CACNG5: variants seen among roughly 807,000 people sequenced by gnomAD.
CACNG5 encodes calcium voltage-gated channel auxiliary subunit gamma 5, also known as voltage-dependent calcium channel gamma-5 subunit.
In CACNG5, 18 loss-of-function variants were observed where a neutral mutation model predicts 24.8. That is an observed-to-expected ratio of 0.73 (90% confidence interval 0.50 to 1.08). The LOEUF (loss-of-function observed/expected upper bound fraction) is 1.08. Ranked by LOEUF, CACNG5 falls within the 50% of genes least tolerant of loss-of-function variation. The probability of loss-of-function intolerance (pLI) is 0.00; values close to 1 mark genes in which losing one functional copy is unlikely to be tolerated. For synonymous variants in CACNG5, 157 were observed against 149.1 expected (o/e 1.05, Z -0.39); for missense variants, 349 against 367.9 (o/e 0.95, Z 0.42).
At chr17:66,842,091 C>G (rs1976577613) in intron 1 of CACNG5, among the ~76,000 whole-genome samples, 1 of 152,260 alleles carries the variant, frequency 6.6e-6, no homozygotes, top group Admixed American at 6.5e-5. Flanking sequence ...TCTCCGGCCC[C>G]ACTGCCCACC....
intron 1 of CACNG5, among the ~76,000 whole-genome samples, chr17:66,849,187 G>A (rs996673034): frequency 1.3e-5 from 2 of 152,144 alleles, no homozygotes; most frequent in South Asian, 2.1e-4. Context: ...CATCATTCCC[G>A]GTGATCAATT....
Position 66,855,532 on chromosome 17 carries a change from A to AT in CACNG5, c.-104+20291dup, listed in dbSNP as rs199748780. Reference sequence around the variant, plus strand: ...TTAAATTAAAAAGTTGTGCATATGTATTTTTTTTTGAGACAGAGTCTCACC... The same window carrying AT: ...TTAAATTAAAAAGTTGTGCATATGTATTTTTTTTTTGAGACAGAGTCTCACC... On this transcript the variant is annotated intron_variant, in intron 1 of 5. Transcript: ENST00000533854. Among the ~76,000 whole-genome samples, 775 of 151,594 alleles carry AT rather than the reference A, an allele frequency of 5.1e-3. 8 individuals carry two copies. Among genetic ancestry groups the AT allele is most frequent in the African/African-American group, 0.018 (725 of 41,382 alleles).
chr17:66,860,843 A>G (rs1166715126), intron 1 of CACNG5, among the ~76,000 whole-genome samples: 2 of 150,180 alleles, frequency 1.3e-5, no homozygotes, highest in Admixed American at 6.6e-5. Context: ...AACATTATAT[A>G]AGACTTTCTT....
chr17:66,881,778 G>A (rs886180768), intron 4 of CACNG5, among the ~76,000 whole-genome samples: 1 of 151,566 alleles, frequency 6.6e-6, no homozygotes, highest in Admixed American at 6.6e-5. Context: ...ACTAAAGGAT[G>A]AGTAAGAATT....
chr17:66,856,399 G>A (rs1976776228), intron 1 of CACNG5, among the ~76,000 whole-genome samples: 1 of 152,160 alleles, frequency 6.6e-6, no homozygotes, highest in Admixed American at 6.5e-5. Context: ...ACTCAATGTA[G>A]TTTTTTACCC....
Position 66,887,356 on chromosome 17 carries a change from G to T in CACNG5, c.*2116G>T, listed in dbSNP as rs947868633. Among the ~76,000 whole-genome samples the T allele has an allele frequency of 1.3e-3, 174 of 129,868 alleles. No homozygotes were observed. The highest frequency in any genetic ancestry group is 4.8e-3 in the African/African-American group (164 of 33,832). The allele number at this position is 129,868 out of a possible 152,430, so 85.2% of individuals were successfully genotyped here. On this transcript the variant is annotated 3_prime_UTR_variant, in exon 6 of 6. Transcript: ENST00000533854. The stretch of plus-strand genomic sequence containing the variant: ...AGCCTCCTGTGGGAGGCTCTCTGTT[G>T]CTTTTGTATGTGACTTTTCAATCCT...
chr17:66,863,696 C>T (rs1024265781), intron 1 of CACNG5, among the ~76,000 whole-genome samples: 2 of 152,192 alleles, frequency 1.3e-5, no homozygotes, highest in African/African-American at 4.8e-5. Context: ...GATTTATACA[C>T]ATAATCCTCT....
rs1977130972 is a variant in CACNG5, at chr17:66,879,667, G to A, written c.283+609G>A. Among the ~76,000 whole-genome samples the A allele has an allele frequency of 2.6e-5, 4 of 152,274 alleles. No individual in the cohort carries two copies. In the South Asian group the frequency reaches 8.3e-4, roughly 32 times the overall value. ...TGAAGAGACACATAGGGCAAGGTCT[G>A]GGGGTGGGTCCTGAATGTGGAGCTT... On this transcript the variant is annotated intron_variant, in intron 3 of 5. Transcript: ENST00000533854.
chr17:66,858,393 A>G (rs1269567753), intron 1 of CACNG5, among the ~76,000 whole-genome samples: 1 of 152,068 alleles, frequency 6.6e-6, no homozygotes, highest in Non-Finnish European at 1.5e-5. Flanking sequence ...CCATTCCTGT[A>G]TTATTGATGA....
Position 66,885,674 on chromosome 17 carries a change from C to T in CACNG5, c.*434C>T, listed in dbSNP as rs1281451643. ...TCGTGCACTTGCCAACTGGCCTGGC[C>T]ATTCACATTCAAGATCTGCACCATC... is the stretch of plus-strand genomic sequence containing the variant. On this transcript the variant is annotated 3_prime_UTR_variant, in exon 6 of 6. Coordinates refer to ENST00000533854, the MANE Select transcript of CACNG5 (RefSeq NM_145811.3). Among the ~76,000 whole-genome samples the T allele has an allele frequency of 6.6e-6, 1 of 152,242 alleles. No homozygotes were observed. Among genetic ancestry groups the T allele is most frequent in the Non-Finnish European group, 1.5e-5 (1 of 68,048 alleles).
intron 1 of CACNG5, among the ~76,000 whole-genome samples, chr17:66,869,401 G>C (rs1976972202): frequency 1.3e-5 from 2 of 152,130 alleles, no homozygotes; most frequent in African/African-American, 4.8e-5. Context: ...GCTACTTTCT[G>C]ATTGCAGCAT....
chr17:66,877,259 C>T lies in CACNG5; in HGVS notation c.-74C>T. 1 of 1,331,942 alleles carries T rather than the reference C, an allele frequency of 7.5e-7. No homozygotes were observed. The highest frequency in any genetic ancestry group is 1.3e-5 in the South Asian group (1 of 75,432). The allele number at this position is 1,331,942 out of a possible 1,614,324, so 82.5% of individuals were successfully genotyped here. ...GTGGGTACTGCCACCTGCTCACCCA[C>T]TCTCCCTAGCCCCAGAGCGCAGTCC... On this transcript the variant is annotated 5_prime_UTR_variant, in exon 2 of 6. Coordinates refer to ENST00000533854, the MANE Select transcript of CACNG5 (RefSeq NM_145811.3).
In CACNG5 at chr17:66,837,292, G is replaced by C. The variant is rs147394005; in HGVS notation, c.-104+2042G>C. ...GGGGGAAGAGGTGTGAATTTTAGTA[G>C]CAGGGTAGCTCACAGATTGAGCTTG... On this transcript the variant is annotated intron_variant, in intron 1 of 5. Transcript: ENST00000533854. Among the ~76,000 whole-genome samples, 363 of 152,330 alleles carry C rather than the reference G, an allele frequency of 2.4e-3. 3 individuals are homozygous for C. Among genetic ancestry groups the C allele is most frequent in the South Asian group, 0.011 (52 of 4,832 alleles).
chr17:66,877,469 AG>A lies in CACNG5; in HGVS notation c.138del (p.Ser47AlafsTer29), dbSNP rs1243784706. The A allele has an allele frequency of 3.7e-6, 6 of 1,613,974 alleles. No individual in the cohort carries two copies. The highest frequency in any genetic ancestry group is 5.1e-6 in the Non-Finnish European group (6 of 1,179,964). On this transcript the variant is annotated frameshift_variant, in exon 2 of 6. Transcript: ENST00000533854. LOFTEE classifies it high-confidence loss of function. ...LEEGVIVPQN[Q>X]STEIKMSLHS... The stretch of plus-strand genomic sequence containing the variant: ...GAGGGTGTGATTGTGCCCCAGAACC[AG>A]AGCACCGAGATCAAGATGTCCCTGC...
chr17:66,866,191 G>A (rs181180484), intron 1 of CACNG5, among the ~76,000 whole-genome samples: 17,747 of 152,064 alleles, frequency 0.12, 1,107 homozygotes, highest in Admixed American at 0.15. Flanking sequence ...ATATTCTGCA[G>A]CTACTAAAAA....
intron 5 of CACNG5, 90 bp from the exon 6 acceptor site, chr17:66,884,893 C>T (rs766538863): frequency 6.8e-6 from 11 of 1,613,544 alleles, no homozygotes; most frequent in East Asian, 4.5e-5. Flanking sequence ...CTTCCCACCC[C>T]ACTCGAGCTG....
In CACNG5 at chr17:66,887,959, C is replaced by T. The variant is rs969675263; in HGVS notation, c.*2719C>T. ...CTCTCCTCAATCAGGAGACTTTTAC[C>T]AAACGTTAACATGTACAAACTCAAC... is the stretch of plus-strand genomic sequence containing the variant. On this transcript the variant is annotated 3_prime_UTR_variant, in exon 6 of 6. Transcript: ENST00000533854. Among the ~76,000 whole-genome samples the T allele has an allele frequency of 2.0e-5, 3 of 152,068 alleles. No homozygotes were observed. Among genetic ancestry groups the T allele is most frequent in the African/African-American group, 7.2e-5 (3 of 41,404 alleles).
At position 66,885,124 on chromosome 17, in the gene CACNG5, G is replaced by A. The variant is rs2143133715; in HGVS notation, c.712G>A (p.Val238Ile). 1.2e-6 allele frequency: 2 copies of A among 1,614,098 alleles called. No individual in the cohort carries two copies. Among genetic ancestry groups the A allele is most frequent in the Non-Finnish European group, 1.7e-6 (2 of 1,180,040 alleles). ...SGQFLHPDAW[V>I]RGRSPSDISS... Reference sequence around the variant, plus strand: ...CCAGTTCCTACACCCAGACGCCTGGGTCAGGGGCCGCAGCCCCTCCGACAT... The same window carrying A: ...CCAGTTCCTACACCCAGACGCCTGGATCAGGGGCCGCAGCCCCTCCGACAT... The change falls in exon 6 of 6, where the codon GTC becomes ATC. Residue 238 changes from valine to isoleucine, a missense_variant. Coordinates refer to ENST00000533854, the MANE Select transcript of CACNG5 (RefSeq NM_145811.3).
chr17:66,880,657 G>C lies in CACNG5; in HGVS notation c.384G>C (p.Thr128=). Reference sequence around the variant, plus strand: ...TCGGACACATCCGTCCCCACCGGACGATACTGGCCTTTGTCTCTGGCATCT... The same window carrying C: ...TCGGACACATCCGTCCCCACCGGACCATACTGGCCTTTGTCTCTGGCATCT... ...NNIGHIRPHR[T]ILAFVSGIFF... is the part of the protein sequence containing the mutation. The change falls in exon 4 of 6, where the codon ACG becomes ACC. Residue 128 remains threonine (T), a synonymous_variant. Transcript: ENST00000533854. 1 of 1,614,244 alleles carries C rather than the reference G, an allele frequency of 6.2e-7. No individual in the cohort carries two copies.
Sources: allele counts gnomAD v4.1 joint callset (sites outside exome capture counted in the v4.1 genomes callset), GRCh38; gene constraint gnomAD v4.1.1; transcripts MANE v1.5; gene names NCBI Gene and HGNC (gene_info 2026-07-23, HGNC 2026-07-21).